The following TTN variants were observed in gnomAD, a reference collection of about 807,000 sequenced individuals.
The protein encoded by TTN is connectin.
Under a neutral mutation model 3,223.0 loss-of-function variants are expected in TTN, and 1,525 were observed. The ratio of observed to expected loss-of-function variants is 0.47; its 90% confidence interval spans 0.45 to 0.49. TTN has a LOEUF of 0.49. Among genes scored for constraint, TTN ranks in the 20% least tolerant of loss-of-function variants. TTN has a pLI of 0.00. For synonymous variants in TTN, 14,094 were observed against 15,161.0 expected (o/e 0.93, Z 5.17); for missense variants, 40,786 against 43,424.0 (o/e 0.94, Z 5.40).
In TTN at chr2:178,718,758, A is replaced by T; in HGVS notation, c.24442T>A (p.Tyr8148Asn). 1 of 1,613,824 alleles carries T rather than the reference A, an allele frequency of 6.2e-7. No individual in the cohort carries two copies. Among genetic ancestry groups the T allele is most frequent in the Non-Finnish European group, 8.5e-7 (1 of 1,179,746 alleles). Residue 8148 changes from tyrosine (Y) to asparagine (N), a missense_variant, in exon 84 of 363, where the codon TAT (tyrosine) becomes AAT (asparagine). Coordinates refer to ENST00000589042, the MANE Select transcript of TTN (RefSeq NM_001267550.2). The part of the protein sequence containing the change: ...FEVQPLESGD[Y>N]SCLVTNDAGS... The stretch of plus-strand genomic sequence containing the variant: ...GCATCATTTGTAACGAGGCAAGAAT[A>T]GTCTCCACTTTCTAATGGCTGCACC...
At chr2:178,529,287 T>A in intron 359 of TTN, 68 bp from the exon 360 acceptor site, 2 of 1,198,544 alleles carry the variant, frequency 1.7e-6, no homozygotes, top group South Asian at 3.9e-5. Flanking sequence ...TCTTCTAGAT[T>A]CTGCGTGTGA....
intron 248 of TTN, 25 bp from the exon 249 acceptor site, chr2:178,620,137 T>A: frequency 6.2e-7 from 1 of 1,600,996 alleles, no homozygotes; most frequent in Non-Finnish European, 8.5e-7. Context: ...GGATTATCAG[T>A]TAGCTTGCAA....
chr2:178,750,968 T>G (rs1167224789), intron 47 of TTN: 1 of 1,612,988 alleles, frequency 6.2e-7, no homozygotes, highest in Non-Finnish European at 8.5e-7. Context: ...TACCAGTGCT[T>G]CTTGGCTCAT....
At chr2:178,747,390 C>G (rs2083976698) in intron 47 of TTN, 1 of 1,613,164 alleles carries the variant, frequency 6.2e-7, no homozygotes, top group African/African-American at 1.3e-5. Flanking sequence ...AAATATAAGT[C>G]AGGGGACTTT....
At position 178,728,681 on chromosome 2, in the gene TTN, T is replaced by G; in HGVS notation, c.19245A>C (p.Lys6415Asn). The G allele has an allele frequency of 6.2e-7, 1 of 1,613,432 alleles. No individual in the cohort carries two copies. The highest frequency in any genetic ancestry group is 8.5e-7 in the Non-Finnish European group (1 of 1,179,582). Residue 6415 changes from lysine to asparagine, a missense_variant, in exon 66 of 363, where the codon AAA becomes AAC. Coordinates refer to ENST00000589042, the MANE Select transcript of TTN (RefSeq NM_001267550.2). ...ECVVAGTPEL[K>N]VKWLKDGKQI... ...GTTTCCCGTCTTTAAGCCATTTCAC[T>G]TTGAGTTCTGGTGTTCCAGCCACAA...
At position 178,561,042 on chromosome 2, in the gene TTN, G is replaced by T. The variant is rs770038577; in HGVS notation, c.85090C>A (p.Arg28364=). 6.2e-7 allele frequency: 1 copy of T among 1,613,720 alleles called. No individual in the cohort carries two copies. Among genetic ancestry groups the T allele is most frequent in the South Asian group, 1.1e-5 (1 of 91,066 alleles). The stretch of plus-strand genomic sequence containing the variant: ...CCAGCTTTGACAACAATAACGTCTC[G>T]GAACTTGACATCCATCATAACTCTT... ...PPRVMMDVKF[R]DVIVVKAGEV... Residue 28364 remains arginine (R), a synonymous_variant, in exon 326 of 363, where the codon CGA becomes AGA. Transcript: ENST00000589042.
Position 178,717,695 on chromosome 2 carries a change from C to T in TTN, c.25179G>A (p.Trp8393Ter), listed in dbSNP as rs2077702491. The T allele has an allele frequency of 6.2e-7, 1 of 1,613,342 alleles. No individual in the cohort carries two copies. Among genetic ancestry groups the T allele is most frequent in the South Asian group, 1.1e-5 (1 of 91,042 alleles). ...CTTTCAAAAGAACCCCATCCTTGTA[C>T]CAAGACACTTGAAGAGGTTCTGAGC... is the stretch of plus-strand genomic sequence containing the variant. ...INGSEPLQVS[W>*]YKDGVLLKDD... Residue 8393 changes from tryptophan (W) to a stop codon, truncating the protein, a stop_gained, in exon 87 of 363, where the codon TGG becomes TGA. Transcript: ENST00000589042. LOFTEE classifies it high-confidence loss of function.
chr2:178,615,218 A>G (rs374909525), intron 259 of TTN, 89 bp downstream of exon 259: 6 of 1,490,096 alleles, frequency 4.0e-6, no homozygotes, highest in South Asian at 1.2e-5. Flanking sequence ...TTCTCAATGA[A>G]AAAAGACAAA....
chr2:178,671,513 T>C (rs2066969381), intron 155 of TTN, among the ~76,000 whole-genome samples: 1 of 151,826 alleles, frequency 6.6e-6, no homozygotes, highest in African/African-American at 2.4e-5. Context: ...TTCCTTAATG[T>C]TGTTTCTCTA....
chr2:178,781,014 G>C (rs1259333432), intron 21 of TTN, 107 bp downstream of exon 21: 1 of 1,479,306 alleles, frequency 6.8e-7, no homozygotes, highest in East Asian at 2.3e-5. Flanking sequence ...CTGGGGCAAA[G>C]TATCAGAACC....
intron 308 of TTN, 34 bp downstream of exon 308, chr2:178,586,471 A>C: frequency 1.9e-6 from 3 of 1,602,750 alleles, no homozygotes; most frequent in Non-Finnish European, 2.6e-6. Context: ...TAATAAACTT[A>C]CCACATGACA....
In TTN at chr2:178,618,600, G is replaced by T; in HGVS notation, c.46950C>A (p.Ile15650=). 3 of 1,611,868 alleles carry T rather than the reference G, an allele frequency of 1.9e-6. No homozygotes were observed. The highest frequency in any genetic ancestry group is 2.5e-6 in the Non-Finnish European group (3 of 1,178,984). ...AGGGCTTACCAATAACTTTTAAATT[G>T]ATGAATCCTTCTGCTTTTCCATGTT... ...QNKHGKAEGF[I]NLKVIDVPGP... The change falls in exon 251 of 363, where the codon ATC becomes ATA. Residue 15650 remains isoleucine, a synonymous_variant. Transcript: ENST00000589042.
chr2:178,777,722 T>C lies in TTN; in HGVS notation c.4462A>G (p.Thr1488Ala), dbSNP rs146732280. 9.9e-5 allele frequency: 160 copies of C among 1,613,990 alleles called. No homozygotes were observed. Among genetic ancestry groups the C allele is most frequent in the Non-Finnish European group, 1.3e-4 (153 of 1,179,970 alleles). ...LKVVGRPMPE[T>A]FWFHDGQQIV... ...CGCTTACCATCATGAAACCAGAACG[T>C]CTCTGGCATAGGTCTACCAACAACC... Residue 1488 changes from threonine to alanine, a missense_variant, in exon 25 of 363, where the codon ACG becomes GCG. Coordinates refer to ENST00000589042, the MANE Select transcript of TTN (RefSeq NM_001267550.2).
rs759495262 is a variant in TTN at position 178,719,627 on chromosome 2, G to T, written c.23865C>A (p.Asp7955Glu). 4 of 1,613,640 alleles carry T rather than the reference G, an allele frequency of 2.5e-6. No individual in the cohort carries two copies. The highest frequency in any genetic ancestry group is 1.1e-5 in the South Asian group (1 of 91,072). Reference protein sequence around the residue: ...SLKIPCAEMSDKGLYSFEVKN... With the variant: ...SLKIPCAEMSEKGLYSFEVKN... ...TCACTTCAAAGCTATATAATCCTTT[G>T]TCACTCATTTCGGCACAGGGGATTT... The change falls in exon 82 of 363, where the codon GAC becomes GAA. Residue 7955 changes from aspartate (D) to glutamate (E), a missense_variant. Coordinates refer to ENST00000589042, the MANE Select transcript of TTN (RefSeq NM_001267550.2).
Position 178,571,742 on chromosome 2 carries a change from G to C in TTN, c.74390C>G (p.Ala24797Gly). The change falls in exon 326 of 363, where the codon GCT (alanine) becomes GGT (glycine). Residue 24797 changes from alanine to glycine, a missense_variant. Coordinates refer to ENST00000589042, the MANE Select transcript of TTN (RefSeq NM_001267550.2). ...AACGATAACATTAAGGGTTTCAATAGCTTCACCAGCTGAGTTAGTCAGTTT... is the reference window on the plus strand; with the variant it reads ...AACGATAACATTAAGGGTTTCAATACCTTCACCAGCTGAGTTAGTCAGTTT... Reference protein sequence around the residue: ...VVKLTNSAGEAIETLNVIVLD... With the variant: ...VVKLTNSAGEGIETLNVIVLD... 2 of 1,613,416 alleles carry C rather than the reference G, an allele frequency of 1.2e-6. No individual in the cohort carries two copies. The highest frequency in any genetic ancestry group is 1.7e-6 in the Non-Finnish European group (2 of 1,179,528).
chr2:178,594,469 C>A lies in TTN; in HGVS notation c.58025G>T (p.Arg19342Ile). 1.9e-6 allele frequency: 3 copies of A among 1,613,374 alleles called. No individual in the cohort carries two copies. The highest frequency in any genetic ancestry group is 2.5e-6 in the Non-Finnish European group (3 of 1,179,560). ...HKVTNDNLLSRKYTVKGLKEG... is the reference protein window; with the variant it reads ...HKVTNDNLLSIKYTVKGLKEG... ...TTTTAAGCCTTTAACAGTGTATTTT[C>A]TGCTAAGCAAGTTGTCATTTGTAAC... is the stretch of plus-strand genomic sequence containing the variant. Residue 19342 changes from arginine (R) to isoleucine (I), a missense_variant, in exon 296 of 363, where the codon AGA (arginine) becomes ATA (isoleucine). Coordinates refer to ENST00000589042, the MANE Select transcript of TTN (RefSeq NM_001267550.2).
At position 178,587,766 on chromosome 2, in the gene TTN, C is replaced by T; in HGVS notation, c.63543G>A (p.Arg21181=). 2 of 1,606,318 alleles carry T rather than the reference C, an allele frequency of 1.2e-6. No homozygotes were observed. The highest frequency in any genetic ancestry group is 8.5e-7 in the Non-Finnish European group (1 of 1,175,238). ...PPEIDLDASM[R]KLVIVRAGCP... ...ATCCTGCTCTCACTATGACCAGTTTCCTCATGCTGGCATCCAAATCAATCT... is the reference window on the plus strand; with the variant it reads ...ATCCTGCTCTCACTATGACCAGTTTTCTCATGCTGGCATCCAAATCAATCT... The change falls in exon 306 of 363, where the codon AGG becomes AGA. Residue 21181 remains arginine (R), a synonymous_variant. Transcript: ENST00000589042.
intron 44 of TTN, 90 bp downstream of exon 44, chr2:178,758,891 CAAT>C (rs2088146782): frequency 1.1e-5 from 15 of 1,304,550 alleles, no homozygotes; most frequent in Non-Finnish European, 1.6e-5. Flanking sequence ...GTAGGAACAA[CAAT>C]GATTTACATG....
chr2:178,587,846 G>A (rs924760693), intron 305 of TTN, 46 bp from the exon 306 acceptor site: 5 of 1,565,018 alleles, frequency 3.2e-6, no homozygotes, highest in Non-Finnish European at 4.3e-6. Context: ...AGAATGTGGG[G>A]AAATCATAAG....
Sources: gnomAD v4.1 joint callset for allele counts (sites outside exome capture counted in the v4.1 genomes callset) on GRCh38, gnomAD v4.1.1 for gene constraint, MANE v1.5 for transcripts, NCBI Gene and HGNC (gene_info 2026-07-23, HGNC 2026-07-21) for gene names.